The following SLC22A25 variants were observed in gnomAD, a reference collection of about 807,000 sequenced individuals.
The protein encoded by SLC22A25 is solute carrier family 22 member 25, also known as MGI:2442751, MGI:2385316, MGI:3042283, MGI:3645714, MGI:3605624, MGI:2442750.
A neutral mutation model predicts 45.9 loss-of-function variants in SLC22A25; 44 were observed. That is an observed-to-expected ratio of 0.96 (90% CI 0.75 to 1.23). SLC22A25 has a LOEUF of 1.23. Ranked by LOEUF, SLC22A25 falls within the 50% of genes most tolerant of loss-of-function variation. SLC22A25 has a pLI of 0.00. For missense variants in SLC22A25, 800 were observed against 666.4 expected, an observed-to-expected ratio of 1.20 and a Z score of -2.21; for synonymous variants, 283 against 238.6, an observed-to-expected ratio of 1.19 and a Z score of -1.72.
intron 7 of SLC22A25, among the ~76,000 whole-genome samples, chr11:63,196,456 C>G (rs1244979352): frequency 2.0e-5 from 3 of 152,144 alleles, no homozygotes; most frequent in Non-Finnish European, 2.9e-5. Flanking sequence ...TCAACCTATG[C>G]AAATCAATAA....
intron 7 of SLC22A25, among the ~76,000 whole-genome samples, chr11:63,213,590 C>A (rs984306055): frequency 3.3e-5 from 5 of 152,164 alleles, no homozygotes; most frequent in African/African-American, 1.2e-4. Context: ...GTTGGCTGTC[C>A]AATTCTAGAA....
At chr11:63,165,268 C>A (rs17157912) in intron 10 of SLC22A25, among the ~76,000 whole-genome samples, 2,695 of 150,516 alleles carry the variant, frequency 0.018, 69 homozygotes, top group African/African-American at 0.05. Flanking sequence ...TGCCTCATGT[C>A]ATTGGAGTGG....
At chr11:63,195,344 A>G (rs1331383680) in intron 7 of SLC22A25, among the ~76,000 whole-genome samples, 1 of 152,108 alleles carries the variant, frequency 6.6e-6, no homozygotes, top group Non-Finnish European at 1.5e-5. Context: ...AATTGACCAC[A>G]AAGTTGGAAG....
At chr11:63,197,392 T>C (rs557745253) in intron 7 of SLC22A25, among the ~76,000 whole-genome samples, 31 of 152,332 alleles carry the variant, frequency 2.0e-4, no homozygotes, top group African/African-American at 7.5e-4. Flanking sequence ...AGCATGGTAC[T>C]GGTACCAAAA....
At chr11:63,192,201 G>A (rs1378014899) in intron 7 of SLC22A25, among the ~76,000 whole-genome samples, 2 of 152,086 alleles carry the variant, frequency 1.3e-5, no homozygotes, top group African/African-American at 2.4e-5. Context: ...CTTAAGAGAA[G>A]AAATTCTAAT....
intron 7 of SLC22A25, among the ~76,000 whole-genome samples, chr11:63,188,844 A>G (rs2088674977): frequency 6.6e-6 from 1 of 152,120 alleles, no homozygotes; most frequent in Non-Finnish European, 1.5e-5. Flanking sequence ...GTTTCCATGT[A>G]GTTGAGTGGT....
chr11:63,212,617 T>C (rs1199715547), intron 7 of SLC22A25, among the ~76,000 whole-genome samples: 2 of 125,886 alleles, frequency 1.6e-5, no homozygotes, highest in Admixed American at 1.1e-4. Flanking sequence ...AATTGAGCAA[T>C]GAGAACACAT....
At chr11:63,233,529 G>C (rs915763280) in intron 3 of SLC22A25, among the ~76,000 whole-genome samples, 10 of 151,736 alleles carry the variant, frequency 6.6e-5, no homozygotes, top group African/African-American at 9.7e-5. Flanking sequence ...TCTCTCTTTT[G>C]TTCTTTATTA....
intron 7 of SLC22A25, among the ~76,000 whole-genome samples, chr11:63,203,897 G>T (rs1415406540): frequency 2.6e-5 from 4 of 152,142 alleles, no homozygotes; most frequent in African/African-American, 9.7e-5. Context: ...AATGTTAGGG[G>T]TAGCCAGAGA....
intron 3 of SLC22A25, among the ~76,000 whole-genome samples, chr11:63,234,482 T>A (rs929566252): frequency 3.9e-5 from 6 of 152,218 alleles, no homozygotes; most frequent in African/African-American, 4.8e-5. Flanking sequence ...TTGTTTTCCA[T>A]TTGCTTGGTA....
intron 7 of SLC22A25, among the ~76,000 whole-genome samples, chr11:63,185,095 C>T (rs1044344899): frequency 5.3e-5 from 8 of 152,086 alleles, no homozygotes; most frequent in South Asian, 2.1e-4. Flanking sequence ...CTGAAAAACA[C>T]GCTACAAGAA....
Position 63,164,070 on chromosome 11 carries a change from T to TC in SLC22A25, c.1397dup (p.Arg467LysfsTer11). 7 of 1,581,710 alleles carry TC rather than the reference T, an allele frequency of 4.4e-6. No individual in the cohort carries two copies. The highest frequency in any genetic ancestry group is 6.0e-6 in the Non-Finnish European group (7 of 1,165,596). ...AGTTTCCAGTGATTCCAGTAGCTCT[T>TC]CCCCTTGGAGTAAAAACAGCAACAG... is the stretch of plus-strand genomic sequence containing the variant. On this transcript the variant is annotated frameshift_variant, in exon 12 of 12. Coordinates refer to ENST00000306494, the MANE Select transcript of SLC22A25 (RefSeq NM_199352.6). LOFTEE classifies it low-confidence loss of function (END_TRUNC).
rs1565070589 is a variant in SLC22A25 at position 63,177,839 on chromosome 11, G to GTATATATATATAA, written c.1070+2808_1070+2820dup. On this transcript the variant is annotated intron_variant, in intron 9 of 11. Transcript: ENST00000306494. ...TATATATAATGTATATATATAATGT[G>GTATATATATATAA]TATATATATATAATGTATATATATA... is the stretch of plus-strand genomic sequence containing the variant. Among the ~76,000 whole-genome samples, 4 of 51,762 alleles carry GTATATATATATAA rather than the reference G, an allele frequency of 7.7e-5. No homozygotes were observed. In the Admixed American group the frequency reaches 8.6e-4, roughly 11 times the overall value. 34.0% of individuals were successfully genotyped at this position (51,762 alleles called of 152,430 possible).
chr11:63,168,065 A>C, intron 9 of SLC22A25: 1 of 208,846 alleles, frequency 4.8e-6, no homozygotes, highest in Non-Finnish European at 1.0e-5. Flanking sequence ...GCAGACCTGC[A>C]GAAGAGGGAC....
intron 7 of SLC22A25, among the ~76,000 whole-genome samples, chr11:63,194,060 A>G (rs12280550): frequency 0.49 from 74,530 of 152,022 alleles, 19,209 homozygotes; most frequent in Non-Finnish European, 0.57. Flanking sequence ...AAGAAAGGGT[A>G]TCAGTGATTG....
rs749611322 is a variant in SLC22A25, at chr11:63,161,429, G to A, written c.*2395C>T. ...GGAGGGGCCAGGGGCAGAATGATATGGTTTGACTGTGTCCGCCTACCCAAT... is the reference window on the plus strand; with the variant it reads ...GGAGGGGCCAGGGGCAGAATGATATAGTTTGACTGTGTCCGCCTACCCAAT... On this transcript the variant is annotated 3_prime_UTR_variant, in exon 12 of 12. Transcript: ENST00000306494. Among the ~76,000 whole-genome samples the A allele has an allele frequency of 1.1e-4, 16 of 152,108 alleles. No homozygotes were observed. Among genetic ancestry groups the A allele is most frequent in the Non-Finnish European group, 1.9e-4 (13 of 68,012 alleles).
At chr11:63,229,045 T>A (rs1485047777) in intron 4 of SLC22A25, among the ~76,000 whole-genome samples, 1 of 152,238 alleles carries the variant, frequency 6.6e-6, no homozygotes, top group Non-Finnish European at 1.5e-5. Context: ...AAAAGCACTA[T>A]GATAGCAGGG....
At chr11:63,196,805 G>T (rs2089051537) in intron 7 of SLC22A25, among the ~76,000 whole-genome samples, 1 of 152,232 alleles carries the variant, frequency 6.6e-6, no homozygotes, top group South Asian at 2.1e-4. Context: ...AGGAAAAGAG[G>T]AAGTCAAATT....
At chr11:63,198,909 GT>G (rs2134773594) in intron 7 of SLC22A25, among the ~76,000 whole-genome samples, 1 of 152,194 alleles carries the variant, frequency 6.6e-6, no homozygotes, top group East Asian at 1.9e-4. Context: ...CTAAGGCAGT[GT>G]TAAGGTGGAA....
Sources: gnomAD v4.1 joint callset for allele counts (sites outside exome capture counted in the v4.1 genomes callset) on GRCh38, gnomAD v4.1.1 for gene constraint, MANE v1.5 for transcripts, NCBI Gene and HGNC (gene_info 2026-07-23, HGNC 2026-07-21) for gene names.